The following NUDCD1 variants were observed in gnomAD, a reference collection of about 807,000 sequenced individuals.
The protein encoded by NUDCD1 is nudC domain-containing protein 1.
A neutral mutation model predicts 67.8 loss-of-function variants in NUDCD1; 60 were observed. The ratio of observed to expected loss-of-function variants is 0.88; its 90% confidence interval spans 0.72 to 1.10. The LOEUF is 1.10. NUDCD1 is among the 50% of genes least tolerant of loss of function. The pLI is 0.00. For missense variants in NUDCD1, 643 were observed against 695.0 expected, an observed-to-expected ratio of 0.93 and a Z score of 0.84; for synonymous variants, 244 against 230.8, an observed-to-expected ratio of 1.06 and a Z score of -0.52.
Position 109,293,427 on chromosome 8 carries a change from C to G in NUDCD1, c.557G>C (p.Arg186Pro), listed in dbSNP as rs578034407. 1.5e-5 allele frequency: 24 copies of G among 1,586,870 alleles called. No homozygotes were observed. Among genetic ancestry groups the G allele is most frequent in the Non-Finnish European group, 2.1e-5 (24 of 1,163,794 alleles). Residue 186 changes from arginine (R) to proline (P), a missense_variant, in exon 4 of 10, where the codon CGA (arginine) becomes CCA (proline). Arg to Pro is a moderately radical substitution (Grantham distance 103). Coordinates refer to ENST00000239690, the MANE Select transcript of NUDCD1 (RefSeq NM_032869.4). Reference protein sequence around the residue: ...EEHSIATLLLRIEKEELDMKG... With the variant: ...EEHSIATLLLPIEKEELDMKG... ...CATATCCAATTCCTCTTTCTCTATT[C>G]GAAGAAGTAGGGTAGCTATAGAATG...
intron 6 of NUDCD1, among the ~76,000 whole-genome samples, 200 bp downstream of exon 6, chr8:109,280,768 G>A (rs943133042): frequency 2.6e-5 from 4 of 152,088 alleles, no homozygotes; most frequent in African/African-American, 9.7e-5. Context: ...TTCTCCAAGT[G>A]ATAGCTATGC....
intron 2 of NUDCD1, among the ~76,000 whole-genome samples, chr8:109,308,666 CA>C (rs1330487699): frequency 6.6e-6 from 1 of 151,636 alleles, no homozygotes; most frequent in Non-Finnish European, 1.5e-5. Context: ...TAAAAATTAC[CA>C]ATAAAAAAAA....
chr8:109,246,297 T>C (rs1336087731), intron 8 of NUDCD1, among the ~76,000 whole-genome samples: 2 of 152,226 alleles, frequency 1.3e-5, no homozygotes, highest in African/African-American at 2.4e-5. Flanking sequence ...CACACTCTCA[T>C]AACATTTATA....
intron 5 of NUDCD1, among the ~76,000 whole-genome samples, chr8:109,283,796 C>A (rs1195822445): frequency 1.3e-5 from 2 of 151,978 alleles, no homozygotes; most frequent in Non-Finnish European, 2.9e-5. Flanking sequence ...AACAGGGAAA[C>A]AAAAGAACAG....
chr8:109,319,239 C>T (rs569935194), intron 2 of NUDCD1, among the ~76,000 whole-genome samples: 7 of 152,272 alleles, frequency 4.6e-5, no homozygotes, highest in Admixed American at 2.6e-4. Flanking sequence ...TCCCAAAGTG[C>T]TGGGATTACA....
chr8:109,246,449 CAG>C lies in NUDCD1; in HGVS notation c.1300-970_1300-969del, dbSNP rs1458387305. The stretch of plus-strand genomic sequence containing the variant: ...ATATCACAATGCTGGAATTCACACT[CAG>C]ATGTTTAAAACTATTTACTTAAACG... On this transcript the variant is annotated intron_variant, in intron 8 of 9. Transcript: ENST00000239690. Among the ~76,000 whole-genome samples the C allele has an allele frequency of 2.4e-4, 36 of 152,258 alleles. No homozygotes were observed. In the South Asian group the frequency reaches 2.5e-3, roughly 11 times the overall value.
intron 2 of NUDCD1, among the ~76,000 whole-genome samples, chr8:109,319,904 G>A (rs192791906): frequency 3.3e-5 from 5 of 152,200 alleles, no homozygotes; most frequent in East Asian, 3.9e-4. Flanking sequence ...TTTTAAAGCC[G>A]GGCATCCGGG....
chr8:109,270,095 G>GGGT (rs1814110145), intron 8 of NUDCD1, among the ~76,000 whole-genome samples: 1 of 136,236 alleles, frequency 7.3e-6, no homozygotes, highest in African/African-American at 2.9e-5. Flanking sequence ...CCTTAAGGTG[G>GGGT]GGTGTGAAAT....
In NUDCD1 at chr8:109,293,392, C is replaced by G; in HGVS notation, c.592G>C (p.Gly198Arg). 6.3e-7 allele frequency: 1 copy of G among 1,586,974 alleles called. No individual in the cohort carries two copies. The highest frequency in any genetic ancestry group is 8.6e-7 in the Non-Finnish European group (1 of 1,167,400). ...ACCCACTCCAGAGAAACATAGAAAC[C>G]ACTTCCTTTCATATCCAATTCCTCT... ...EKEELDMKGSGFYVSLEWVTI... is the reference protein window; with the variant it reads ...EKEELDMKGSRFYVSLEWVTI... The change falls in exon 4 of 10, where the codon GGT becomes CGT. Residue 198 changes from glycine (G) to arginine (R), a missense_variant. Gly to Arg is a moderately radical substitution (Grantham distance 125, BLOSUM62 -2). Transcript: ENST00000239690.
intron 1 of NUDCD1, among the ~76,000 whole-genome samples, chr8:109,332,412 AC>A (rs1815826832): frequency 6.6e-6 from 1 of 152,218 alleles, no homozygotes; most frequent in African/African-American, 2.4e-5. Context: ...GTCTCTTGGT[AC>A]CAACCTGGGC....
chr8:109,327,342 T>G (rs753112361), intron 1 of NUDCD1, among the ~76,000 whole-genome samples: 1 of 152,328 alleles, frequency 6.6e-6, no homozygotes, highest in South Asian at 2.1e-4. Flanking sequence ...AGATGAGTTT[T>G]ATAGTCAACT....
intron 1 of NUDCD1, among the ~76,000 whole-genome samples, chr8:109,324,599 T>C (rs189965826): frequency 1.7e-4 from 26 of 152,252 alleles, no homozygotes; most frequent in South Asian, 4.1e-4. Context: ...TCAAAAGGAA[T>C]ACCGTCACTT....
At chr8:109,287,086 A>T (rs1198950290) in intron 5 of NUDCD1, among the ~76,000 whole-genome samples, 1 of 152,150 alleles carries the variant, frequency 6.6e-6, no homozygotes, top group Non-Finnish European at 1.5e-5. Flanking sequence ...TACAAGGAGA[A>T]TATCATCTCA....
chr8:109,326,799 T>C (rs2980638), intron 1 of NUDCD1, among the ~76,000 whole-genome samples: 56,582 of 152,002 alleles, frequency 0.37, 11,422 homozygotes, highest in South Asian at 0.5. Flanking sequence ...TCATAAATTA[T>C]TTATTGAATA....
intron 6 of NUDCD1, among the ~76,000 whole-genome samples, chr8:109,278,075 ATACTT>A (rs545962329): frequency 1.3e-5 from 2 of 152,194 alleles, no homozygotes; most frequent in Admixed American, 6.5e-5. Flanking sequence ...ATTAAGAACT[ATACTT>A]TGTGTAAAAA....
Position 109,261,673 on chromosome 8 carries a change from T to C in NUDCD1, c.1299+9332A>G, listed in dbSNP as rs140762654. 5.0e-3 allele frequency among the ~76,000 whole-genome samples: 763 copies of C among 152,202 alleles called. 4 individuals are homozygous for C. The highest frequency in any genetic ancestry group is 7.6e-3 in the Non-Finnish European group (516 of 67,984). On this transcript the variant is annotated intron_variant, in intron 8 of 9. Transcript: ENST00000239690. Reference sequence around the variant, plus strand: ...GTTAAGAGATGAGATCTAGAAAACATAAAACACAAAAACATTGATTCATTG... The same window carrying C: ...GTTAAGAGATGAGATCTAGAAAACACAAAACACAAAAACATTGATTCATTG...
chr8:109,271,533 A>C (rs1000663942), intron 7 of NUDCD1, among the ~76,000 whole-genome samples: 3 of 152,184 alleles, frequency 2.0e-5, no homozygotes, highest in Admixed American at 1.3e-4. Context: ...AAAATGAAGC[A>C]CAAAGACAAA....
At position 109,334,081 on chromosome 8, in the gene NUDCD1, A is replaced by G. The variant is rs975066614; in HGVS notation, c.-71T>C. The G allele has an allele frequency of 1.4e-5, 22 of 1,600,400 alleles. No individual in the cohort carries two copies. The highest frequency in any genetic ancestry group is 2.7e-5 in the African/African-American group (2 of 74,430). On this transcript the variant is annotated 5_prime_UTR_variant, in exon 1 of 10. Transcript: ENST00000239690. ...AAGGTCCGCGCTTCACGCCTCGCAC[A>G]GAGACTGGGAAGCGGCGTGGTTCCC...
chr8:109,277,714 T>C (rs1814328769), intron 6 of NUDCD1, among the ~76,000 whole-genome samples: 1 of 152,244 alleles, frequency 6.6e-6, no homozygotes, highest in African/African-American at 2.4e-5. Flanking sequence ...ATGCATTGAA[T>C]GCTGAAACTA....
Sources: gnomAD v4.1 joint callset for allele counts (sites outside exome capture counted in the v4.1 genomes callset) on GRCh38, gnomAD v4.1.1 for gene constraint, MANE v1.5 for transcripts, NCBI Gene and HGNC (gene_info 2026-07-23, HGNC 2026-07-21) for gene names.